PTPRT: variants seen among roughly 807,000 people sequenced by gnomAD.
PTPRT encodes protein tyrosine phosphatase receptor type T, also known as receptor-type tyrosine-protein phosphatase T.
Under a neutral mutation model 176.8 loss-of-function variants are expected in PTPRT, and 56 were observed. The observed-to-expected ratio is 0.32, with a 90% CI of 0.26 to 0.40. PTPRT has a LOEUF of 0.40. Ranked by LOEUF, PTPRT falls within the 10% of genes least tolerant of loss-of-function variation. The pLI, the probability that PTPRT is intolerant of heterozygous loss-of-function variation, is 1.00. For synonymous variants in PTPRT, 783 were observed against 739.0 expected, an observed-to-expected ratio of 1.06 and a Z score of -0.96; for missense variants, 1,540 against 1,908.2, an observed-to-expected ratio of 0.81 and a Z score of 3.60.
At chr20:43,138,571 A>C (rs1041668072) in intron 1 of PTPRT, among the ~76,000 whole-genome samples, 2 of 152,232 alleles carry the variant, frequency 1.3e-5, no homozygotes, top group Non-Finnish European at 2.9e-5. Context: ...GGGCCCCTCC[A>C]TAAGTGAGTC....
At chr20:43,130,206 C>A (rs1267843057) in intron 1 of PTPRT, among the ~76,000 whole-genome samples, 1 of 152,182 alleles carries the variant, frequency 6.6e-6, no homozygotes, top group Non-Finnish European at 1.5e-5. Flanking sequence ...AGAGACTGAA[C>A]CACATGGGTT....
chr20:42,761,288 G>T (rs1276744033), intron 5 of PTPRT, among the ~76,000 whole-genome samples: 6 of 151,864 alleles, frequency 4.0e-5, no homozygotes, highest in Non-Finnish European at 7.4e-5. Context: ...TACAAAATTA[G>T]CCGGGCATGG....
chr20:42,283,087 G>T (rs1409539311), intron 12 of PTPRT, among the ~76,000 whole-genome samples: 1 of 152,126 alleles, frequency 6.6e-6, no homozygotes, highest in Non-Finnish European at 1.5e-5. Context: ...CATAAATAAT[G>T]TGTGTGGCAA....
At chr20:43,091,859 G>A (rs906513421) in intron 1 of PTPRT, among the ~76,000 whole-genome samples, 2 of 152,128 alleles carry the variant, frequency 1.3e-5, no homozygotes, top group Admixed American at 6.5e-5. Context: ...GAAGACATCC[G>A]CTTCCTCCAC....
intron 7 of PTPRT, among the ~76,000 whole-genome samples, chr20:42,506,781 G>A (rs1311436671): frequency 6.6e-6 from 1 of 152,128 alleles, no homozygotes; most frequent in Non-Finnish European, 1.5e-5. Flanking sequence ...CAATCCGTAC[G>A]TTTTTAACCT....
At chr20:42,108,270 A>G (rs2146277072) in intron 23 of PTPRT, among the ~76,000 whole-genome samples, 1 of 152,328 alleles carries the variant, frequency 6.6e-6, no homozygotes, top group South Asian at 2.1e-4. Context: ...TCAGCATCAC[A>G]TAGTAATTGA....
chr20:43,014,544 A>T (rs535256793), intron 1 of PTPRT, among the ~76,000 whole-genome samples: 2 of 152,322 alleles, frequency 1.3e-5, no homozygotes, highest in African/African-American at 4.8e-5. Context: ...CCAGACGAGG[A>T]GAATTAAAAT....
intron 6 of PTPRT, among the ~76,000 whole-genome samples, chr20:42,755,438 C>T (rs188205038): frequency 6.6e-6 from 1 of 152,276 alleles, no homozygotes; most frequent in East Asian, 1.9e-4. Flanking sequence ...TCTCATTCTA[C>T]AGCTAGCATA....
intron 20 of PTPRT, among the ~76,000 whole-genome samples, chr20:42,119,424 C>T (rs997724463): frequency 5.3e-5 from 8 of 152,036 alleles, no homozygotes; most frequent in African/African-American, 1.9e-4. Flanking sequence ...GCGTCATTGT[C>T]TATATATATA....
At position 42,817,872 on chromosome 20, in the gene PTPRT, C is replaced by T. The variant is rs953791125; in HGVS notation, c.215-26406G>A. On this transcript the variant is annotated intron_variant, in intron 2 of 30. Coordinates refer to ENST00000373187, the MANE Select transcript of PTPRT (RefSeq NM_007050.6). ...AGGCTCAAGGACAGAATTCGGATCC[C>T]CCTGGACCTGAGCCCCGGCGGGAGG... Among the ~76,000 whole-genome samples the T allele has an allele frequency of 2.6e-5, 4 of 152,324 alleles. No homozygotes were observed. The South Asian group carries it at 8.3e-4, about 32-fold the overall frequency.
rs62203539 is a variant in PTPRT, at chr20:42,459,996, A to C, written c.1451-11667T>G. ...GAGAAGTCAAGGTTTTTGGCTCGAG[A>C]CACTAATAAAACAGAGTTGCCATTT... On this transcript the variant is annotated intron_variant, in intron 8 of 30. Transcript: ENST00000373187. Among the ~76,000 whole-genome samples the C allele has an allele frequency of 8.7e-3, 1,324 of 152,330 alleles. 11 individuals carry two copies. The highest frequency in any genetic ancestry group is 0.014 in the Middle Eastern group (4 of 294).
chr20:42,150,616 C>T (rs532833366), intron 17 of PTPRT, among the ~76,000 whole-genome samples: 6 of 152,140 alleles, frequency 3.9e-5, no homozygotes, highest in Non-Finnish European at 7.4e-5. Context: ...ACTGTGTATG[C>T]GAGTCAGGGA....
At chr20:42,053,076 G>A in the PTPRT span, among the ~76,000 whole-genome samples, 5 of 152,172 alleles carry the variant, frequency 3.3e-5, no homozygotes, top group Admixed American at 1.3e-4. Flanking sequence ...TAAGTGGCAC[G>A]CTGGGTGTGG....
intron 2 of PTPRT, among the ~76,000 whole-genome samples, chr20:42,880,320 C>T (rs1001209333): frequency 9.2e-5 from 14 of 152,326 alleles, no homozygotes; most frequent in African/African-American, 3.1e-4. Context: ...ATAGTCTCAG[C>T]TCCCTGGGGA....
At chr20:42,506,500 T>C (rs2071847568) in intron 7 of PTPRT, among the ~76,000 whole-genome samples, 1 of 152,184 alleles carries the variant, frequency 6.6e-6, no homozygotes. Flanking sequence ...CTCTTTTTTC[T>C]TTAATCCCTT....
intron 1 of PTPRT, chr20:42,969,727 T>C (rs988607731): frequency 2.1e-4 from 32 of 152,258 alleles, no homozygotes; most frequent in African/African-American, 7.7e-4. Flanking sequence ...TGACTAATAG[T>C]TTTTTCTATC....
chr20:42,953,950 A>C (rs1172775153), intron 1 of PTPRT, among the ~76,000 whole-genome samples: 1 of 152,142 alleles, frequency 6.6e-6, no homozygotes, highest in African/African-American at 2.4e-5. Context: ...CCATGAAGGG[A>C]AAAATCACTT....
At chr20:42,624,514 A>C (rs982804586) in intron 7 of PTPRT, among the ~76,000 whole-genome samples, 2 of 152,220 alleles carry the variant, frequency 1.3e-5, no homozygotes, top group Admixed American at 1.3e-4. Context: ...GTAAAAGGCT[A>C]GACCTCAAGT....
At chr20:42,430,923 C>T (rs536327202) in intron 9 of PTPRT, among the ~76,000 whole-genome samples, 1 of 152,174 alleles carries the variant, frequency 6.6e-6, no homozygotes, top group East Asian at 1.9e-4. Context: ...TTAAAACACA[C>T]ACTCACACAG....
Sources: gnomAD v4.1 joint callset for allele counts (sites outside exome capture counted in the v4.1 genomes callset) on GRCh38, gnomAD v4.1.1 for gene constraint, MANE v1.5 for transcripts, NCBI Gene and HGNC (gene_info 2026-07-23, HGNC 2026-07-21) for gene names.